The following SH3KBP1 variants were observed in gnomAD, a reference collection of about 807,000 sequenced individuals.
The protein encoded by SH3KBP1 is SH3 domain containing kinase binding protein 1, also known as SH3 domain-containing kinase-binding protein 1.
Under a neutral mutation model 50.1 loss-of-function variants are expected in SH3KBP1, and 8 were observed. The ratio of observed to expected loss-of-function variants is 0.16; its 90% confidence interval spans 0.09 to 0.29. SH3KBP1 has a LOEUF of 0.29. Among genes scored for constraint, SH3KBP1 ranks in the 10% least tolerant of loss-of-function variants. The probability of loss-of-function intolerance (pLI) is 1.00; values close to 1 mark genes in which losing one functional copy is unlikely to be tolerated. For missense variants in SH3KBP1, 377 were observed against 535.2 expected, an observed-to-expected ratio of 0.70 and a Z score of 2.92; for synonymous variants, 227 against 218.6, an observed-to-expected ratio of 1.04 and a Z score of -0.34.
chrX:19,768,738 C>A (rs950319423), intron 2 of SH3KBP1, among the ~76,000 whole-genome samples: 1 of 108,737 alleles, frequency 9.2e-6, no homozygotes, highest in African/African-American at 3.4e-5. Context: ...CAAGACTGAC[C>A]CCCAAGTTTG....
At chrX:19,864,316 A>AC (rs112503138) in intron 1 of SH3KBP1, among the ~76,000 whole-genome samples, 2,642 of 109,333 alleles carry the variant, frequency 0.024, 76 homozygotes, top group African/African-American at 0.083. Flanking sequence ...GCAGAACAAC[A>AC]CCCCCCCACC....
intron 2 of SH3KBP1, among the ~76,000 whole-genome samples, chrX:19,797,407 A>G (rs2066747458): frequency 8.9e-6 from 1 of 112,029 alleles, no homozygotes; most frequent in Admixed American, 9.5e-5. Flanking sequence ...GCGAGAACTC[A>G]ATATGGCAGA....
At chrX:19,668,926 A>T (rs2062694385) in intron 6 of SH3KBP1, among the ~76,000 whole-genome samples, 1 of 69,899 alleles carries the variant, frequency 1.4e-5, no homozygotes, top group Non-Finnish European at 2.7e-5. Context: ...GAATGATAGG[A>T]TTGAGGGTAA....
chrX:19,559,033 C>T (rs920305404), intron 13 of SH3KBP1, among the ~76,000 whole-genome samples: 4 of 108,139 alleles, frequency 3.7e-5, no homozygotes, highest in Non-Finnish European at 7.7e-5. Context: ...ATTGGGAGGT[C>T]GAGGCGGGTG....
intron 7 of SH3KBP1, among the ~76,000 whole-genome samples, chrX:19,638,283 G>A (rs1056809748): frequency 3.7e-5 from 4 of 108,910 alleles, no homozygotes; most frequent in Non-Finnish European, 7.6e-5. Context: ...GGTGGCGGGC[G>A]TCTGTAGTCC....
At chrX:19,795,083 T>C (rs1336811994) in intron 2 of SH3KBP1, among the ~76,000 whole-genome samples, 4 of 112,200 alleles carry the variant, frequency 3.6e-5, no homozygotes, top group African/African-American at 1.3e-4. Flanking sequence ...ACTCAATGCT[T>C]CAAGGCATGT....
rs145337417 is a variant in SH3KBP1, at chrX:19,761,842, A to C, written c.163-15401T>G. On this transcript the variant is annotated intron_variant, in intron 2 of 17. Transcript: ENST00000397821. ...AAGGTATACATGTTCATTCCAAAAA[A>C]TACATAACAAGAGGACACAAATGGA... 2.4e-3 allele frequency among the ~76,000 whole-genome samples: 271 copies of C among 112,878 alleles called. 1 individual carries two copies. The highest frequency in any genetic ancestry group is 3.5e-3 in the Non-Finnish European group (188 of 53,318).
At chrX:19,669,157 G>A (rs2062715476) in intron 6 of SH3KBP1, among the ~76,000 whole-genome samples, 2 of 100,415 alleles carry the variant, frequency 2.0e-5, no homozygotes. Flanking sequence ...GTAGAGTTGG[G>A]GTTTTGCCAT....
chrX:19,538,281 T>C (rs2064777158), intron 16 of SH3KBP1, among the ~76,000 whole-genome samples: 1 of 112,293 alleles, frequency 8.9e-6, no homozygotes, highest in Admixed American at 9.4e-5. Flanking sequence ...CATGGGTCAC[T>C]GCAGCCTCAA....
In SH3KBP1 at chrX:19,536,429, T is replaced by C; in HGVS notation, c.1986A>G (p.Leu662=). 1 of 1,146,827 alleles carries C rather than the reference T, an allele frequency of 8.7e-7. No individual in the cohort carries two copies. Among genetic ancestry groups the C allele is most frequent in the South Asian group, 2.0e-5 (1 of 51,160 alleles). 94.5% of individuals were successfully genotyped at this position (1,146,827 alleles called of 1,213,427 possible). ...QMEVNDIKKA[L]QSK is the part of the protein sequence containing the mutation. ...ATTGATCAAGTATTCATTTTGATTGTAGAGCTTTCTTTATGTCGTTCACTT... is the reference window on the plus strand; with the variant it reads ...ATTGATCAAGTATTCATTTTGATTGCAGAGCTTTCTTTATGTCGTTCACTT... Residue 662 remains leucine (L), a synonymous_variant, in exon 18 of 18, where the codon CTA becomes CTG. Coordinates refer to ENST00000397821, the MANE Select transcript of SH3KBP1 (RefSeq NM_031892.3).
At chrX:19,662,115 A>G (rs1029390665) in intron 6 of SH3KBP1, among the ~76,000 whole-genome samples, 10 of 111,606 alleles carry the variant, frequency 9.0e-5, no homozygotes, top group African/African-American at 3.3e-4. Context: ...TAAGGATGTT[A>G]AGAACATCAG....
At chrX:19,706,013 T>C (rs989798246) in intron 4 of SH3KBP1, among the ~76,000 whole-genome samples, 1 of 111,346 alleles carries the variant, frequency 9.0e-6, no homozygotes, top group African/African-American at 3.3e-5. Context: ...TCACATTAGG[T>C]TATGTATGAG....
intron 3 of SH3KBP1, among the ~76,000 whole-genome samples, chrX:19,716,199 G>A (rs745775060): frequency 1.6e-4 from 18 of 111,915 alleles, no homozygotes; most frequent in Non-Finnish European, 2.6e-4. Flanking sequence ...ATTTCCACTC[G>A]TCATCCTGTT....
Position 19,604,035 on chromosome X carries a change from C to A in SH3KBP1, c.1005+3903G>T, listed in dbSNP as rs183575403. Among the ~76,000 whole-genome samples the A allele has an allele frequency of 2.7e-3, 303 of 111,359 alleles. 1 individual carries two copies. The highest frequency in any genetic ancestry group is 4.9e-3 in the Non-Finnish European group (261 of 53,038). On this transcript the variant is annotated intron_variant, in intron 9 of 17. Coordinates refer to ENST00000397821, the MANE Select transcript of SH3KBP1 (RefSeq NM_031892.3). ...TCAAAATACCTATTCTAATTTTGTT[C>A]TTTTTTTAATGACAGTGAGCAGTTG...
chrX:19,876,914 C>CA (rs1323063152), intron 1 of SH3KBP1, among the ~76,000 whole-genome samples: 5 of 111,899 alleles, frequency 4.5e-5, no homozygotes, highest in Admixed American at 1.9e-4. Flanking sequence ...TCCCCCTTTC[C>CA]AATTTTTTCT....
chrX:19,716,128 G>A (rs1411417150), intron 3 of SH3KBP1, among the ~76,000 whole-genome samples: 1 of 112,014 alleles, frequency 8.9e-6, no homozygotes, highest in African/African-American at 3.3e-5. Flanking sequence ...CGAGTACAAG[G>A]GAAGAGAAGG....
At chrX:19,656,098 G>C (rs1214831397) in intron 6 of SH3KBP1, among the ~76,000 whole-genome samples, 1 of 111,501 alleles carries the variant, frequency 9.0e-6, no homozygotes, top group African/African-American at 3.3e-5. Flanking sequence ...TCCCAGCACA[G>C]GATCGAGGGT....
At chrX:19,714,787 T>C (rs2148702225) in intron 3 of SH3KBP1, among the ~76,000 whole-genome samples, 1 of 112,518 alleles carries the variant, frequency 8.9e-6, no homozygotes, top group African/African-American at 3.2e-5. Context: ...TAAAAGGCTA[T>C]AAAAACATTG....
intron 12 of SH3KBP1, among the ~76,000 whole-genome samples, chrX:19,579,860 G>A (rs1172866587): frequency 1.8e-5 from 2 of 111,550 alleles, no homozygotes; most frequent in East Asian, 2.8e-4. Flanking sequence ...GCTTCCACCC[G>A]GAGGATGTTC....
Sources: gnomAD v4.1 joint callset for allele counts (sites outside exome capture counted in the v4.1 genomes callset) on GRCh38, gnomAD v4.1.1 for gene constraint, MANE v1.5 for transcripts, NCBI Gene and HGNC (gene_info 2026-07-23, HGNC 2026-07-21) for gene names.